Variants in TMEM132B observed in about 807,000 individuals in gnomAD.
The protein encoded by TMEM132B is transmembrane protein 132B.
In TMEM132B, 18 loss-of-function variants were observed where a neutral mutation model predicts 90.8. That is an observed-to-expected ratio of 0.20 (90% confidence interval 0.14 to 0.29). TMEM132B has a LOEUF of 0.29. Ranked by LOEUF, TMEM132B falls within the 10% of genes least tolerant of loss-of-function variation. TMEM132B has a pLI of 1.00. For missense variants in TMEM132B, 1,096 were observed against 1,326.8 expected (o/e 0.83, Z 2.70); for synonymous variants, 504 against 523.3 (o/e 0.96, Z 0.50).
intron 5 of TMEM132B, chr12:125,587,462 TAA>T (rs942109208): frequency 1.3e-5 from 2 of 152,184 alleles, no homozygotes; most frequent in African/African-American, 4.8e-5. Flanking sequence ...TGCCCCCATG[TAA>T]AAATTGGCAA....
intron 4 of TMEM132B, among the ~76,000 whole-genome samples, chr12:125,529,532 T>C (rs1164179663): frequency 6.6e-6 from 1 of 152,168 alleles, no homozygotes; most frequent in Non-Finnish European, 1.5e-5. Context: ...CCTTCCCACC[T>C]CTGTGTGTCC....
chr12:125,305,528 G>C (rs558898051), intron 1 of TMEM132B, among the ~76,000 whole-genome samples: 1 of 151,976 alleles, frequency 6.6e-6, no homozygotes, highest in East Asian at 1.9e-4. Context: ...ATGGCATCGC[G>C]GACAGTTAAT....
At chr12:125,380,369 C>G (rs1422627779) in intron 2 of TMEM132B, among the ~76,000 whole-genome samples, 1 of 152,172 alleles carries the variant, frequency 6.6e-6, no homozygotes, top group East Asian at 1.9e-4. Context: ...AGGATGATTT[C>G]ATCTTGAGAT....
intron 1 of TMEM132B, among the ~76,000 whole-genome samples, chr12:125,304,686 C>T (rs1249363610): frequency 6.6e-6 from 1 of 152,072 alleles, no homozygotes; most frequent in Non-Finnish European, 1.5e-5. Flanking sequence ...TCTTCTTTAG[C>T]AAGGCATGGT....
intron 3 of TMEM132B, among the ~76,000 whole-genome samples, chr12:125,479,961 A>G (rs1881994280): frequency 6.6e-6 from 1 of 152,228 alleles, no homozygotes; most frequent in Non-Finnish European, 1.5e-5. Flanking sequence ...AATTCACTCA[A>G]AACCGCACAA....
intron 3 of TMEM132B, among the ~76,000 whole-genome samples, chr12:125,465,767 C>G (rs571994686): frequency 2.5e-4 from 38 of 152,184 alleles, no homozygotes; most frequent in Non-Finnish European, 5.1e-4. Context: ...ACCCATCAAT[C>G]GAGACACTTG....
intron 3 of TMEM132B, among the ~76,000 whole-genome samples, chr12:125,483,918 G>A (rs1040849337): frequency 6.6e-5 from 10 of 152,162 alleles, no homozygotes; most frequent in Non-Finnish European, 1.5e-4. Flanking sequence ...GTCCAATCAG[G>A]TATGGCCTGG....
chr12:125,511,788 C>G lies in TMEM132B; in HGVS notation c.1107-7651C>G, dbSNP rs367946344. 1.1e-4 allele frequency among the ~76,000 whole-genome samples: 16 copies of G among 147,614 alleles called. No homozygotes were observed. The East Asian group carries it at 1.6e-3, about 15-fold the overall frequency. ...AATGGCGTGAACCCGGGAGGCGGAG[C>G]TTGCAGTGAGCCGAGATCGCACCAT... On this transcript the variant is annotated intron_variant, in intron 3 of 8. Coordinates refer to ENST00000682704, the MANE Select transcript of TMEM132B (RefSeq NM_001366854.1).
chr12:125,630,661 G>T (rs1174570624), intron 5 of TMEM132B, among the ~76,000 whole-genome samples: 4 of 151,982 alleles, frequency 2.6e-5, no homozygotes, highest in Non-Finnish European at 1.5e-5. Flanking sequence ...CATGTCATGG[G>T]TGCTTATTGT....
rs562895075 is a variant in TMEM132B at position 125,638,779 on chromosome 12, G to T, written c.1438-5297G>T. On this transcript the variant is annotated intron_variant, in intron 5 of 8. Coordinates refer to ENST00000682704, the MANE Select transcript of TMEM132B (RefSeq NM_001366854.1). ...CTTGCTTCTTTTTAAAATAGAACAT[G>T]AAGTAAATGATGTGTCTTACAAGAT... Among the ~76,000 whole-genome samples, 8 of 152,246 alleles carry T rather than the reference G, an allele frequency of 5.3e-5. No homozygotes were observed. The South Asian group carries it at 8.3e-4, about 16-fold the overall frequency.
At chr12:125,599,958 G>A (rs971610596) in intron 5 of TMEM132B, among the ~76,000 whole-genome samples, 3 of 152,182 alleles carry the variant, frequency 2.0e-5, no homozygotes, top group Admixed American at 6.5e-5. Flanking sequence ...CTCTGGCAGA[G>A]GTGCATAGGT....
At chr12:125,618,711 TG>T (rs1358399578) in intron 5 of TMEM132B, among the ~76,000 whole-genome samples, 1 of 152,172 alleles carries the variant, frequency 6.6e-6, no homozygotes, top group Non-Finnish European at 1.5e-5. Context: ...CAATTATGAT[TG>T]TTTTGGTGGA....
At chr12:125,481,981 T>C (rs1882056073) in intron 3 of TMEM132B, among the ~76,000 whole-genome samples, 2 of 152,104 alleles carry the variant, frequency 1.3e-5, no homozygotes, top group South Asian at 4.1e-4. Flanking sequence ...TTGACAAACC[T>C]GACAAAAACA....
intron 4 of TMEM132B, among the ~76,000 whole-genome samples, chr12:125,574,136 A>T (rs1310083384): frequency 6.6e-6 from 1 of 151,726 alleles, no homozygotes; most frequent in Admixed American, 6.6e-5. Flanking sequence ...CTCAGTAAAG[A>T]TACCCATAGG....
chr12:125,215,834 A>G (rs4765229), intron 1 of TMEM132B, among the ~76,000 whole-genome samples: 146,176 of 152,362 alleles, frequency 0.96, 70,143 homozygotes, highest in East Asian at 1. Flanking sequence ...GAGCCACTGC[A>G]CTGGCCCTCT....
chr12:125,241,738 C>G (rs1311502995), intron 1 of TMEM132B, among the ~76,000 whole-genome samples: 1 of 152,200 alleles, frequency 6.6e-6, no homozygotes, highest in African/African-American at 2.4e-5. Flanking sequence ...TAGAAGCCGT[C>G]CAGTCCATGG....
At chr12:125,376,706 C>T (rs959234616) in intron 2 of TMEM132B, among the ~76,000 whole-genome samples, 6 of 152,204 alleles carry the variant, frequency 3.9e-5, no homozygotes, top group Non-Finnish European at 7.3e-5. Flanking sequence ...GCAAGTTCCC[C>T]CTTCCCCTTA....
Position 125,519,423 on chromosome 12 carries a change from T to C in TMEM132B, c.1107-16T>C. On this transcript the variant is annotated splice_polypyrimidine_tract_variant and intron_variant, in intron 3 of 8. Transcript: ENST00000682704. Reference sequence around the variant, plus strand: ...TGAGGTTTTAAATGGAACCTTAATATGTGTTTGTTTTCCAGGGTAAATGGA... The same window carrying C: ...TGAGGTTTTAAATGGAACCTTAATACGTGTTTGTTTTCCAGGGTAAATGGA... The C allele has an allele frequency of 5.0e-6, 8 of 1,591,846 alleles. No individual in the cohort carries two copies. Among genetic ancestry groups the C allele is most frequent in the Non-Finnish European group, 6.0e-6 (7 of 1,167,454 alleles).
chr12:125,488,646 G>A (rs552379234), intron 3 of TMEM132B, among the ~76,000 whole-genome samples: 9 of 152,314 alleles, frequency 5.9e-5, no homozygotes, highest in East Asian at 1.9e-4. Context: ...CCCCAGCCAC[G>A]TGGAACTGTA....
Sources: allele counts gnomAD v4.1 joint callset (sites outside exome capture counted in the v4.1 genomes callset), GRCh38; gene constraint gnomAD v4.1.1; transcripts MANE v1.5; gene names NCBI Gene and HGNC (gene_info 2026-07-23, HGNC 2026-07-21).